PDGFD: variants seen among roughly 807,000 people sequenced by gnomAD.
PDGFD encodes platelet-derived growth factor D.
In PDGFD, 30 loss-of-function variants were observed where a neutral mutation model predicts 44.7. The observed-to-expected ratio is 0.67, with a 90% confidence interval of 0.50 to 0.91. The LOEUF is 0.91. Ranked by LOEUF, PDGFD falls within the 40% of genes least tolerant of loss-of-function variation. PDGFD has a pLI of 0.00. For missense variants in PDGFD, 445 were observed against 457.8 expected (o/e 0.97, Z 0.25); for synonymous variants, 173 against 168.4 (o/e 1.03, Z -0.21).
At chr11:104,009,849 C>G (rs1423708808) in intron 1 of PDGFD, among the ~76,000 whole-genome samples, 1 of 152,052 alleles carries the variant, frequency 6.6e-6, no homozygotes, top group Non-Finnish European at 1.5e-5. Context: ...AGCTTTTTCC[C>G]CCTAGTGTTT....
At chr11:104,000,449 A>G (rs545655938) in intron 1 of PDGFD, among the ~76,000 whole-genome samples, 194 bp from the exon 2 acceptor site, 1 of 152,358 alleles carries the variant, frequency 6.6e-6, no homozygotes, top group Non-Finnish European at 1.5e-5. Flanking sequence ...AGTGACTAGC[A>G]TCTGAGATAC....
chr11:104,006,781 A>T (rs576720279), intron 1 of PDGFD, among the ~76,000 whole-genome samples: 1 of 152,298 alleles, frequency 6.6e-6, no homozygotes, highest in African/African-American at 2.4e-5. Context: ...TCCAGGGAAG[A>T]GTATATTCCC....
chr11:104,037,675 C>T (rs1860274388), intron 1 of PDGFD: 2 of 1,614,086 alleles, frequency 1.2e-6, no homozygotes, highest in African/African-American at 2.7e-5. Flanking sequence ...GGTGGACCGA[C>T]GGTGGGCTGG....
intron 1 of PDGFD, chr11:104,036,952 G>A (rs771682750): frequency 6.2e-7 from 1 of 1,614,232 alleles, no homozygotes; most frequent in African/African-American, 1.3e-5. Context: ...CCCCGTCGAA[G>A]AGATCCAGAT....
intron 1 of PDGFD, among the ~76,000 whole-genome samples, chr11:104,023,365 C>T (rs748927597): frequency 2.0e-4 from 30 of 152,028 alleles, no homozygotes; most frequent in Non-Finnish European, 2.9e-4. Context: ...TTTAATGGCC[C>T]TTTTGCAATT....
intron 1 of PDGFD, among the ~76,000 whole-genome samples, chr11:104,124,365 G>A (rs919729466): frequency 2.0e-5 from 3 of 151,994 alleles, no homozygotes; most frequent in Admixed American, 6.6e-5. Flanking sequence ...AACTGTGAAC[G>A]GGCTGTATAA....
At chr11:103,975,261 A>G (rs918506050) in intron 3 of PDGFD, among the ~76,000 whole-genome samples, 16 of 152,040 alleles carry the variant, frequency 1.1e-4, no homozygotes, top group African/African-American at 3.1e-4. Context: ...GCTTTTTTTC[A>G]TATGTTTGTT....
intron 1 of PDGFD, among the ~76,000 whole-genome samples, chr11:104,154,797 T>A (rs1014440544): frequency 5.9e-5 from 9 of 152,086 alleles, no homozygotes; most frequent in Middle Eastern, 6.8e-3. Context: ...CAGAACAGAG[T>A]CTAACTTTGC....
chr11:103,935,295 T>C (rs889161387), intron 5 of PDGFD, among the ~76,000 whole-genome samples: 4 of 152,150 alleles, frequency 2.6e-5, no homozygotes, highest in African/African-American at 9.7e-5. Context: ...CAACTGAAAG[T>C]TGTCCCACTG....
chr11:103,984,489 A>G (rs1408742217), intron 3 of PDGFD, among the ~76,000 whole-genome samples: 2 of 151,602 alleles, frequency 1.3e-5, no homozygotes, highest in Non-Finnish European at 2.9e-5. Context: ...TGATTAAATA[A>G]TCTGTACAAC....
At chr11:104,002,937 T>C (rs1447311658) in intron 1 of PDGFD, among the ~76,000 whole-genome samples, 1 of 152,244 alleles carries the variant, frequency 6.6e-6, no homozygotes, top group Admixed American at 6.5e-5. Flanking sequence ...AATATCTATC[T>C]CAGGTATTCA....
intron 1 of PDGFD, chr11:104,037,489 A>T: frequency 6.2e-7 from 1 of 1,614,120 alleles, no homozygotes; most frequent in South Asian, 1.1e-5. Flanking sequence ...GCAGCAAAAC[A>T]TTGAAGAAAA....
intron 5 of PDGFD, among the ~76,000 whole-genome samples, chr11:103,933,291 C>T (rs1043755536): frequency 4.6e-5 from 7 of 152,206 alleles, no homozygotes; most frequent in Non-Finnish European, 8.8e-5. Flanking sequence ...CAGGAGTCTT[C>T]ATCCTTATGA....
intron 1 of PDGFD, among the ~76,000 whole-genome samples, chr11:104,156,514 A>G (rs994622422): frequency 1.3e-5 from 2 of 152,184 alleles, no homozygotes; most frequent in African/African-American, 2.4e-5. Flanking sequence ...AAAATCTAAA[A>G]TCTGAGAAAA....
At chr11:104,114,583 A>G (rs538458499) in intron 1 of PDGFD, among the ~76,000 whole-genome samples, 1 of 152,100 alleles carries the variant, frequency 6.6e-6, no homozygotes, top group East Asian at 1.9e-4. Flanking sequence ...CTTCACGGTC[A>G]TTTATCTCTC....
intron 1 of PDGFD, among the ~76,000 whole-genome samples, chr11:104,058,510 A>G (rs1860658065): frequency 6.6e-6 from 1 of 152,220 alleles, no homozygotes; most frequent in Non-Finnish European, 1.5e-5. Context: ...CAGGCAACAG[A>G]GAATGCTGGT....
chr11:104,160,839 C>T (rs1308155354), intron 1 of PDGFD, among the ~76,000 whole-genome samples: 1 of 152,162 alleles, frequency 6.6e-6, no homozygotes, highest in Non-Finnish European at 1.5e-5. Context: ...CAGGACACAG[C>T]AGCAGATCAG....
chr11:104,115,087 C>T (rs1861613810), intron 1 of PDGFD, among the ~76,000 whole-genome samples: 1 of 151,662 alleles, frequency 6.6e-6, no homozygotes, highest in South Asian at 2.1e-4. Context: ...TCCACTGTGT[C>T]ATTCTTATGC....
chr11:104,115,169 A>T (rs569010976), intron 1 of PDGFD, among the ~76,000 whole-genome samples: 2 of 151,488 alleles, frequency 1.3e-5, no homozygotes, highest in East Asian at 3.9e-4. Flanking sequence ...TTCCTGAGTA[A>T]CTTCACTTAG....
Sources: gnomAD v4.1 joint callset for allele counts (sites outside exome capture counted in the v4.1 genomes callset) on GRCh38, gnomAD v4.1.1 for gene constraint, MANE v1.5 for transcripts, NCBI Gene and HGNC (gene_info 2026-07-23, HGNC 2026-07-21) for gene names.